Variants in TMCC1 observed in about 807,000 individuals in gnomAD.
TMCC1 encodes the protein transmembrane and coiled-coil domain family 1.
In TMCC1, 15 loss-of-function variants were observed where a neutral mutation model predicts 52.4. That is an observed-to-expected ratio of 0.29 (90% CI 0.19 to 0.44). The LOEUF is 0.44. TMCC1 is among the 20% of genes least tolerant of loss of function. The probability of loss-of-function intolerance (pLI) is 1.00; values close to 1 mark genes in which losing one functional copy is unlikely to be tolerated. For missense variants in TMCC1, 503 were observed against 806.0 expected (o/e 0.62, Z 4.55); for synonymous variants, 279 against 301.9 (o/e 0.92, Z 0.79).
chr3:129,717,533 T>C (rs113559087), intron 4 of TMCC1, among the ~76,000 whole-genome samples: 30 of 152,310 alleles, frequency 2.0e-4, no homozygotes, highest in Non-Finnish European at 3.2e-4. Flanking sequence ...CCCACTTAGA[T>C]GGCTGATGGA....
rs373765447 is a variant in TMCC1 at position 129,737,454 on chromosome 3, T to G, written c.577-66190A>C. On this transcript the variant is annotated intron_variant, in intron 4 of 6. Transcript: ENST00000393238. ...GAGATCACGCCGCTGCACTCCAGCC[T>G]GGGCAACACAGCAAGCCTCCATCTC... 4.1e-3 allele frequency among the ~76,000 whole-genome samples: 614 copies of G among 151,176 alleles called. 5 individuals carry two copies. Among genetic ancestry groups the G allele is most frequent in the African/African-American group, 0.014 (594 of 41,106 alleles).
intron 2 of TMCC1, among the ~76,000 whole-genome samples, chr3:129,876,132 C>T (rs1176109287): frequency 7.1e-6 from 1 of 141,686 alleles, no homozygotes; most frequent in Non-Finnish European, 1.5e-5. Context: ...AAGATTTCAT[C>T]TCAAAAAAAA....
intron 4 of TMCC1, among the ~76,000 whole-genome samples, chr3:129,735,047 G>C (rs989626792): frequency 6.6e-6 from 1 of 151,718 alleles, no homozygotes; most frequent in African/African-American, 2.4e-5. Context: ...GACTACAGGC[G>C]CCCGCCACCA....
intron 2 of TMCC1, among the ~76,000 whole-genome samples, chr3:129,845,315 G>T (rs976182122): frequency 4.6e-5 from 7 of 151,990 alleles, no homozygotes; most frequent in African/African-American, 1.7e-4. Flanking sequence ...AGCCAACTGA[G>T]CAATCAATAG....
intron 4 of TMCC1, among the ~76,000 whole-genome samples, chr3:129,742,096 T>C (rs2051509998): frequency 6.6e-6 from 1 of 152,144 alleles, no homozygotes. Flanking sequence ...TAAGAAAACA[T>C]GGATGTAAAT....
intron 2 of TMCC1, among the ~76,000 whole-genome samples, chr3:129,838,583 T>C (rs1162282723): frequency 6.6e-6 from 1 of 151,362 alleles, no homozygotes; most frequent in Non-Finnish European, 1.5e-5. Context: ...TGAAACCCCG[T>C]CTCTACTAAA....
intron 4 of TMCC1, among the ~76,000 whole-genome samples, chr3:129,713,498 T>C (rs1280625154): frequency 6.6e-6 from 1 of 152,018 alleles, no homozygotes; most frequent in Non-Finnish European, 1.5e-5. Flanking sequence ...TTAGGAAATA[T>C]GTAATAAAAG....
chr3:129,841,773 T>C (rs1464558628), intron 2 of TMCC1, among the ~76,000 whole-genome samples: 1 of 152,208 alleles, frequency 6.6e-6, no homozygotes, highest in Admixed American at 6.6e-5. Flanking sequence ...GTTCTTGTGA[T>C]AGTGAGTTCT....
chr3:129,861,033 T>C (rs193087695), intron 2 of TMCC1: 2 of 152,274 alleles, frequency 1.3e-5, no homozygotes, highest in Admixed American at 1.3e-4. Context: ...GGGGACAAAA[T>C]AAAACAAATG....
intron 2 of TMCC1, chr3:129,847,062 A>T (rs1164507023): frequency 1.3e-5 from 2 of 152,074 alleles, no homozygotes; most frequent in Non-Finnish European, 1.5e-5. Flanking sequence ...CGGTCATGAA[A>T]ATTGTTTTAT....
chr3:129,831,714 T>C (rs2058924144), intron 3 of TMCC1, among the ~76,000 whole-genome samples: 1 of 152,184 alleles, frequency 6.6e-6, no homozygotes, highest in Non-Finnish European at 1.5e-5. Flanking sequence ...CTCTATAAAA[T>C]TGCTGACAGT....
intron 2 of TMCC1, among the ~76,000 whole-genome samples, chr3:129,862,421 G>A (rs544326473): frequency 6.8e-4 from 104 of 152,244 alleles, no homozygotes; most frequent in Admixed American, 1.6e-3. Flanking sequence ...AGAAATGGGT[G>A]CATGACATAC....
chr3:129,845,585 CAAAT>C (rs2059627453), intron 2 of TMCC1, among the ~76,000 whole-genome samples: 1 of 151,974 alleles, frequency 6.6e-6, no homozygotes. Context: ...ACTATCAAAA[CAAAT>C]AGTTAATAAC....
chr3:129,655,393 A>G (rs2625942), intron 5 of TMCC1, among the ~76,000 whole-genome samples: 150,117 of 152,300 alleles, frequency 0.99, 74,022 homozygotes, highest in East Asian at 1. Context: ...CCATAATATT[A>G]AGACAGTCAT....
At chr3:129,688,101 T>C in intron 4 of TMCC1, 1 of 972,854 alleles carries the variant, frequency 1.0e-6, no homozygotes, top group Non-Finnish European at 1.2e-6. Context: ...TTTTAGTTAT[T>C]GCTAAGAAGC....
At chr3:129,859,643 CACACACAT>C (rs1295389507) in intron 2 of TMCC1, among the ~76,000 whole-genome samples, 7 of 29,352 alleles carry the variant, frequency 2.4e-4, no homozygotes, top group South Asian at 2.4e-3. Flanking sequence ...TCTCAAAACA[CACACACAT>C]ACACACACAC....
At chr3:129,747,770 T>G (rs550726608) in intron 4 of TMCC1, among the ~76,000 whole-genome samples, 35 of 152,192 alleles carry the variant, frequency 2.3e-4, no homozygotes, top group Admixed American at 7.9e-4. Context: ...CGACCCCTTA[T>G]CATCACGCTG....
chr3:129,849,257 G>A (rs2059801470), intron 2 of TMCC1, among the ~76,000 whole-genome samples: 1 of 152,130 alleles, frequency 6.6e-6, no homozygotes, highest in African/African-American at 2.4e-5. Context: ...GAGGTCAGGA[G>A]TTCGAGACCA....
chr3:129,650,566 A>C lies in TMCC1; in HGVS notation c.*915T>G, dbSNP rs761373928. On this transcript the variant is annotated 3_prime_UTR_variant, in exon 7 of 7. Transcript: ENST00000393238. Reference sequence around the variant, plus strand: ...TCCACACATTTCTTCATTTAAAAACATCACTTCTTTATTTCAAAGGAAAAA... The same window carrying C: ...TCCACACATTTCTTCATTTAAAAACCTCACTTCTTTATTTCAAAGGAAAAA... The C allele has an allele frequency of 2.0e-4, 30 of 152,610 alleles. No individual in the cohort carries two copies. The highest frequency in any genetic ancestry group is 4.1e-4 in the Non-Finnish European group (28 of 68,038). The allele number at this position is 152,610 out of a possible 1,614,324, so 9.5% of individuals were successfully genotyped here.
Sources: allele counts gnomAD v4.1 joint callset (sites outside exome capture counted in the v4.1 genomes callset), GRCh38; gene constraint gnomAD v4.1.1; transcripts MANE v1.5; gene names NCBI Gene and HGNC (gene_info 2026-07-23, HGNC 2026-07-21).